The following FKBP9 variants were observed in gnomAD, a reference collection of about 807,000 sequenced individuals.
FKBP9 encodes the protein peptidyl-prolyl cis-trans isomerase FKBP9.
FKBP9 carries 27 observed loss-of-function variants against 55.6 expected under a neutral mutation model. That is an observed-to-expected ratio of 0.49 (90% CI 0.36 to 0.67). The LOEUF (loss-of-function observed/expected upper bound fraction) is 0.67, where lower values mean the gene tolerates loss of function less well. Among genes scored for constraint, FKBP9 ranks in the 30% least tolerant of loss-of-function variants. FKBP9 has a pLI of 0.00. For missense variants in FKBP9, 539 were observed against 742.8 expected (o/e 0.73, Z 3.19); for synonymous variants, 267 against 296.5 (o/e 0.90, Z 1.02).
At chr7:32,987,126 G>A (rs1784593602) in intron 5 of FKBP9, among the ~76,000 whole-genome samples, 1 of 152,042 alleles carries the variant, frequency 6.6e-6, no homozygotes, top group East Asian at 1.9e-4. Flanking sequence ...GTGATAGTGG[G>A]GGCCTTTTGT....
intron 1 of FKBP9, among the ~76,000 whole-genome samples, chr7:32,969,763 G>T (rs928278954): frequency 6.6e-6 from 1 of 152,126 alleles, no homozygotes; most frequent in African/African-American, 2.4e-5. Context: ...AGCACTTTGG[G>T]AGGCCGAGGC....
chr7:32,987,122 G>A (rs1032743023), intron 5 of FKBP9, among the ~76,000 whole-genome samples: 10 of 152,112 alleles, frequency 6.6e-5, no homozygotes, highest in South Asian at 4.1e-4. Flanking sequence ...AGGGGTGATA[G>A]TGGGGGCCTT....
At chr7:32,961,826 C>T (rs1160540485) in intron 1 of FKBP9, among the ~76,000 whole-genome samples, 2 of 150,592 alleles carry the variant, frequency 1.3e-5, no homozygotes, top group East Asian at 1.9e-4. Flanking sequence ...GAATCTAATG[C>T]GTGATGATCT....
intron 7 of FKBP9, among the ~76,000 whole-genome samples, chr7:32,999,311 T>C (rs1194823670): frequency 6.6e-6 from 1 of 152,114 alleles, no homozygotes; most frequent in Non-Finnish European, 1.5e-5. Flanking sequence ...CTTTTCTCCT[T>C]GGAGTAAAGA....
At chr7:32,994,201 A>C (rs1298857349) in intron 6 of FKBP9, among the ~76,000 whole-genome samples, 1 of 152,188 alleles carries the variant, frequency 6.6e-6, no homozygotes, top group African/African-American at 2.4e-5. Flanking sequence ...CATCACTCCA[A>C]AAAGTAACCC....
rs554331629 is a variant in FKBP9 at position 32,974,006 on chromosome 7, T to A, written c.222-611T>A. On this transcript the variant is annotated intron_variant, in intron 1 of 9. Transcript: ENST00000242209. ...TGCACCTGGCTGTAAAGTCTTTTTT[T>A]AAAATTTTATTTTATTTTATTTTTT... is the stretch of plus-strand genomic sequence containing the variant. Among the ~76,000 whole-genome samples the A allele has an allele frequency of 6.3e-4, 96 of 151,980 alleles. No homozygotes were observed. In the South Asian group the frequency reaches 0.013, roughly 20 times the overall value.
At chr7:32,983,643 CATA>C (rs1250691772) in intron 5 of FKBP9, among the ~76,000 whole-genome samples, 2 of 152,162 alleles carry the variant, frequency 1.3e-5, no homozygotes, top group African/African-American at 2.4e-5. Context: ...CCTTTTGATA[CATA>C]CTACCAAGTT....
At chr7:32,996,931 AC>A (rs1312219904) in intron 7 of FKBP9, among the ~76,000 whole-genome samples, 1 of 150,488 alleles carries the variant, frequency 6.6e-6, no homozygotes, top group Non-Finnish European at 1.5e-5. Flanking sequence ...AGTAGCTGGG[AC>A]TACAGGCACC....
chr7:32,994,850 G>C (rs1482642991), intron 6 of FKBP9: 1 of 179,740 alleles, frequency 5.6e-6, no homozygotes, highest in African/African-American at 2.4e-5. Flanking sequence ...ACACAGAAAA[G>C]TACGTGTTGG....
chr7:33,001,981 T>A (rs899939880), intron 8 of FKBP9: 4 of 152,248 alleles, frequency 2.6e-5, no homozygotes, highest in Non-Finnish European at 4.4e-5. Context: ...AATTTGCTTG[T>A]CCTGTTTGCA....
intron 1 of FKBP9, among the ~76,000 whole-genome samples, chr7:32,961,065 C>T (rs1341613368): frequency 6.6e-6 from 1 of 152,278 alleles, no homozygotes; most frequent in East Asian, 1.9e-4. Context: ...AATCTATGGT[C>T]TGTAGTCCAC....
At chr7:32,986,678 G>A (rs1483602935) in intron 5 of FKBP9, among the ~76,000 whole-genome samples, 1 of 152,166 alleles carries the variant, frequency 6.6e-6, no homozygotes, top group African/African-American at 2.4e-5. Context: ...TTCTTTCTTC[G>A]TGCCCCATGA....
Position 32,957,789 on chromosome 7 carries a change from C to G in FKBP9, c.216C>G (p.Asp72Glu). The G allele has an allele frequency of 2.8e-6, 4 of 1,446,456 alleles. No homozygotes were observed. The highest frequency in any genetic ancestry group is 3.6e-6 in the Non-Finnish European group (4 of 1,101,832). 89.6% of individuals were successfully genotyped at this position (1,446,456 alleles called of 1,614,324 possible). ...CGTTCCCCGACGGCCAGAAGTTCGA[C>G]TCCAGGTACCGCGCCCTTGGCGCCC... ...VGTFPDGQKF[D>E]SSYDRDSTFN... Residue 72 changes from aspartate to glutamate, a missense_variant, in exon 1 of 10, where the codon GAC becomes GAG. Around this residue, in one of 4 missense-constraint regions of FKBP9, gnomAD observed 236 missense variants for 271.5 expected, o/e 0.87. Coordinates refer to ENST00000242209, the MANE Select transcript of FKBP9 (RefSeq NM_007270.5).
intron 6 of FKBP9, among the ~76,000 whole-genome samples, chr7:32,990,575 C>T (rs373397897): frequency 3.3e-5 from 5 of 152,286 alleles, no homozygotes; most frequent in African/African-American, 2.4e-5. Context: ...AAAATGCCCA[C>T]CTACACTAAT....
At chr7:33,002,540 C>A (rs1462989224) in intron 8 of FKBP9, 136 bp from the exon 9 acceptor site, 2 of 1,373,392 alleles carry the variant, frequency 1.5e-6, no homozygotes, top group African/African-American at 2.9e-5. Flanking sequence ...AAGTGACTAG[C>A]CTCTGCTCCG....
intron 5 of FKBP9, among the ~76,000 whole-genome samples, chr7:32,987,972 A>C (rs1424529989): frequency 1.3e-5 from 2 of 151,986 alleles, no homozygotes; most frequent in Non-Finnish European, 2.9e-5. Context: ...TTGATCCAGG[A>C]GCTCAAGACC....
chr7:32,990,277 C>T (rs898751220), intron 6 of FKBP9, among the ~76,000 whole-genome samples: 5 of 152,182 alleles, frequency 3.3e-5, no homozygotes, highest in Non-Finnish European at 5.9e-5. Flanking sequence ...GGAAAAAGTG[C>T]TAAACTGCTG....
At chr7:32,973,447 T>A (rs1784290048) in intron 1 of FKBP9, among the ~76,000 whole-genome samples, 1 of 152,020 alleles carries the variant, frequency 6.6e-6, no homozygotes, top group African/African-American at 2.4e-5. Context: ...GTTACACAGA[T>A]CCTGGGGAGG....
At position 32,979,467 on chromosome 7, in the gene FKBP9, G is replaced by A. The variant is rs1396290265; in HGVS notation, c.704-897G>A. ...CTTTCAGCAGATTTCATCATTCCTT[G>A]GATGGGAAGGAGATGCAGGGTGGGC... is the stretch of plus-strand genomic sequence containing the variant. On this transcript the variant is annotated intron_variant, in intron 4 of 9. Coordinates refer to ENST00000242209, the MANE Select transcript of FKBP9 (RefSeq NM_007270.5). 7 of 1,499,962 alleles carry A rather than the reference G, an allele frequency of 4.7e-6. 1 individual carries two copies. The highest frequency in any genetic ancestry group is 4.5e-6 in the Non-Finnish European group (5 of 1,100,988). The allele number at this position is 1,499,962 out of a possible 1,614,324, so 92.9% of individuals were successfully genotyped here.
Sources: gnomAD v4.1 joint callset for allele counts (sites outside exome capture counted in the v4.1 genomes callset) on GRCh38, gnomAD v4.1.1 for gene constraint, gnomAD v4.1.1 regional missense constraint, MANE v1.5 for transcripts, NCBI Gene and HGNC (gene_info 2026-07-23, HGNC 2026-07-21) for gene names.